Variants in CREBL2 observed in about 807,000 individuals in gnomAD.
CREBL2 encodes the protein cAMP-responsive element-binding protein-like 2.
Under a neutral mutation model 19.5 loss-of-function variants are expected in CREBL2, and 4 were observed. That is an observed-to-expected ratio of 0.20 (90% CI 0.10 to 0.47). The LOEUF (loss-of-function observed/expected upper bound fraction) is 0.47. Ranked by LOEUF, CREBL2 falls within the 20% of genes least tolerant of loss-of-function variation. CREBL2 has a pLI of 0.98. For synonymous variants in CREBL2, 42 were observed against 46.6 expected (o/e 0.90, Z 0.40); for missense variants, 85 against 145.1 (o/e 0.59, Z 2.13).
At chr12:12,622,719 GTGA>G (rs1945369239) in intron 1 of CREBL2, among the ~76,000 whole-genome samples, 1 of 152,210 alleles carries the variant, frequency 6.6e-6, no homozygotes, top group African/African-American at 2.4e-5. Context: ...ACCCACAGCT[GTGA>G]AGGAAGTTAT....
At chr12:12,618,606 G>A (rs1390254526) in intron 1 of CREBL2, among the ~76,000 whole-genome samples, 3 of 152,202 alleles carry the variant, frequency 2.0e-5, no homozygotes, top group East Asian at 3.9e-4. Flanking sequence ...AGGCAGAGAC[G>A]CTCCTCACTT....
intron 1 of CREBL2, among the ~76,000 whole-genome samples, 200 bp downstream of exon 1, chr12:12,612,387 C>G (rs1016732890): frequency 1.3e-5 from 2 of 152,188 alleles, no homozygotes; most frequent in South Asian, 4.1e-4. Flanking sequence ...AGGAAGGGCC[C>G]TCTCTGGAAA....
At chr12:12,641,250 A>ATTTTTTTTTTTTTTTTTTTTTTTTTTTT (rs1248375488) in intron 3 of CREBL2, among the ~76,000 whole-genome samples, 1 of 58,020 alleles carries the variant, frequency 1.7e-5, no homozygotes, top group Non-Finnish European at 3.5e-5. Flanking sequence ...TATTATTATT[A>ATTTTTTTTTTTTTTTTTTTTTTTTTTTT]TTATTTTTTT....
chr12:12,636,392 T>A (rs1245302907), intron 2 of CREBL2, among the ~76,000 whole-genome samples: 1 of 152,220 alleles, frequency 6.6e-6, no homozygotes, highest in Non-Finnish European at 1.5e-5. Flanking sequence ...CATTTGTGTT[T>A]AAGTGACTTT....
At chr12:12,641,915 A>G (rs1371253745) in intron 3 of CREBL2, 79 bp from the exon 4 acceptor site, 3 of 960,386 alleles carry the variant, frequency 3.1e-6, no homozygotes, top group Non-Finnish European at 3.0e-6. Flanking sequence ...GAAAAAAAAA[A>G]TTTATGCATC....
intron 1 of CREBL2, among the ~76,000 whole-genome samples, chr12:12,632,079 T>C (rs1421313459): frequency 1.6e-5 from 2 of 125,674 alleles, no homozygotes; most frequent in East Asian, 2.2e-4. Context: ...TTTTTTTTTT[T>C]TTTTTTTTTT....
intron 1 of CREBL2, among the ~76,000 whole-genome samples, chr12:12,618,477 G>A (rs944862796): frequency 7.2e-5 from 11 of 151,986 alleles, no homozygotes; most frequent in African/African-American, 2.7e-4. Flanking sequence ...ACGTTGGGCG[G>A]CCGGGCAGAG....
At chr12:12,632,164 G>A (rs1173345314) in intron 1 of CREBL2, among the ~76,000 whole-genome samples, 3 of 123,012 alleles carry the variant, frequency 2.4e-5, no homozygotes, top group African/African-American at 6.1e-5. Context: ...TGCAAGCTCC[G>A]CCTCCCGGGT....
intron 3 of CREBL2, among the ~76,000 whole-genome samples, chr12:12,641,263 A>ATTTTTT (rs761407635): frequency 1.2e-5 from 1 of 85,928 alleles, no homozygotes; most frequent in African/African-American, 4.2e-5. Context: ...ATTTTTTTTT[A>ATTTTTT]TTTTTTTTTT....
rs1248375488 is a variant in CREBL2 at position 12,641,250 on chromosome 12, A to ATTTTTTTTTTTTTTTTTTTTTTT, written c.359-742_359-741insTTTTTTTTTTTTTTTTTTTTTTT. On this transcript the variant is annotated intron_variant, in intron 3 of 3. Transcript: ENST00000228865. ...CTTTATTATTATTATTATTATTATT[A>ATTTTTTTTTTTTTTTTTTTTTTT]TTATTTTTTTTTATTTTTTTTTTTT... Among the ~76,000 whole-genome samples the ATTTTTTTTTTTTTTTTTTTTTTT allele has an allele frequency of 1.2e-3, 67 of 57,958 alleles. 6 individuals carry two copies. The highest frequency in any genetic ancestry group is 1.7e-3 in the Non-Finnish European group (49 of 28,674). The allele number at this position is 57,958 out of a possible 152,430, so 38.0% of individuals were successfully genotyped here.
intron 1 of CREBL2, among the ~76,000 whole-genome samples, chr12:12,612,543 G>C (rs1254978778): frequency 6.6e-6 from 1 of 152,056 alleles, no homozygotes; most frequent in Non-Finnish European, 1.5e-5. Flanking sequence ...TTTAGTGCAC[G>C]CTGAACCAGC....
At chr12:12,632,108 C>T (rs1457034894) in intron 1 of CREBL2, among the ~76,000 whole-genome samples, 6 of 105,546 alleles carry the variant, frequency 5.7e-5, no homozygotes, top group Admixed American at 2.6e-4. Context: ...GACGGAGTCT[C>T]GCTCTGTCGC....
intron 1 of CREBL2, among the ~76,000 whole-genome samples, chr12:12,629,700 A>G (rs544530449): frequency 6.6e-6 from 1 of 152,248 alleles, no homozygotes; most frequent in East Asian, 1.9e-4. Context: ...TTTGGGGGAA[A>G]GCATTCAGTA....
intron 1 of CREBL2, among the ~76,000 whole-genome samples, chr12:12,632,068 CTTTTTTTTT>C (rs869253910): frequency 1.5e-4 from 12 of 80,624 alleles, no homozygotes; most frequent in African/African-American, 4.6e-4. Flanking sequence ...CTATGCCTTT[CTTTTTTTTT>C]TTTTTTTTTT....
chr12:12,631,126 T>G (rs1592240881), intron 1 of CREBL2, among the ~76,000 whole-genome samples: 1 of 152,234 alleles, frequency 6.6e-6, no homozygotes, highest in South Asian at 2.1e-4. Context: ...TTAACACTTT[T>G]GACATATAAT....
At chr12:12,632,659 A>T (rs1203526077) in intron 1 of CREBL2, 1 of 152,156 alleles carries the variant, frequency 6.6e-6, no homozygotes, top group East Asian at 1.9e-4. Context: ...GTCATTATCC[A>T]TTTATTTCAC....
intron 3 of CREBL2, among the ~76,000 whole-genome samples, chr12:12,638,405 C>G (rs1244974238): frequency 6.6e-6 from 1 of 152,038 alleles, no homozygotes; most frequent in Non-Finnish European, 1.5e-5. Flanking sequence ...CCATTGCACT[C>G]CAGCCTGGGC....
At chr12:12,620,480 T>C (rs939709471) in intron 1 of CREBL2, among the ~76,000 whole-genome samples, 4 of 152,156 alleles carry the variant, frequency 2.6e-5, no homozygotes, top group Admixed American at 6.5e-5. Flanking sequence ...TCTGCCCGCC[T>C]CTGCCTCCCA....
intron 1 of CREBL2, among the ~76,000 whole-genome samples, chr12:12,617,674 TTTTTTTTA>T (rs1460766599): frequency 4.0e-5 from 5 of 123,570 alleles, no homozygotes; most frequent in Non-Finnish European, 8.4e-5. Flanking sequence ...TTTTTTTTTT[TTTTTTTTA>T]GTATTTATTG....
Sources: allele counts gnomAD v4.1 joint callset (sites outside exome capture counted in the v4.1 genomes callset), GRCh38; gene constraint gnomAD v4.1.1; transcripts MANE v1.5; gene names NCBI Gene and HGNC (gene_info 2026-07-23, HGNC 2026-07-21).